The following TFDP2 variants were observed in gnomAD, a reference collection of about 807,000 sequenced individuals.
TFDP2 encodes transcription factor Dp-2 (E2F dimerization partner 2).
TFDP2 carries 17 observed loss-of-function variants against 59.3 expected under a neutral mutation model. The ratio of observed to expected loss-of-function variants is 0.29; its 90% CI spans 0.20 to 0.43. The LOEUF is 0.43. Among genes scored for constraint, TFDP2 ranks in the 20% least tolerant of loss-of-function variants. The pLI is 1.00. For missense variants in TFDP2, 391 were observed against 528.8 expected, an observed-to-expected ratio of 0.74 and a Z score of 2.56; for synonymous variants, 180 against 194.7, an observed-to-expected ratio of 0.92 and a Z score of 0.63.
intron 3 of TFDP2, among the ~76,000 whole-genome samples, chr3:142,076,815 T>C (rs1383515641): frequency 6.6e-6 from 1 of 152,162 alleles, no homozygotes; most frequent in African/African-American, 2.4e-5. Flanking sequence ...CCTCTACCCA[T>C]GGTCCCTCCA....
At chr3:141,981,324 G>T (rs939036106) in intron 6 of TFDP2, among the ~76,000 whole-genome samples, 21 of 152,074 alleles carry the variant, frequency 1.4e-4, no homozygotes, top group African/African-American at 4.8e-4. Context: ...TACCACCCTG[G>T]GTTTGGGTAA....
At chr3:142,023,106 G>A (rs1180575496) in intron 3 of TFDP2, among the ~76,000 whole-genome samples, 3 of 113,986 alleles carry the variant, frequency 2.6e-5, no homozygotes, top group African/African-American at 1.1e-4. Context: ...GCAACGCAGT[G>A]AGACTCCCTC....
In TFDP2 at chr3:141,946,136, A is replaced by C. The variant is rs752006995; in HGVS notation, c.*6377T>G. The C allele has an allele frequency of 3.9e-5, 6 of 152,412 alleles. No homozygotes were observed. The highest frequency in any genetic ancestry group is 7.2e-5 in the African/African-American group (3 of 41,580). 9.4% of individuals were successfully genotyped at this position (152,412 alleles called of 1,614,324 possible). On this transcript the variant is annotated 3_prime_UTR_variant, in exon 13 of 13. Transcript: ENST00000489671. ...ACAGCGTGGCCCTCACGGAGGGAAG[A>C]AGCTCTGGGTTTTGGTGCAGGCTCT...
At chr3:141,970,277 A>G (rs1939512928) in intron 8 of TFDP2, 136 bp from the exon 9 acceptor site, 3 of 739,200 alleles carry the variant, frequency 4.1e-6, no homozygotes, top group Non-Finnish European at 6.8e-6. Context: ...ATAAAGACAA[A>G]TCATATCTTT....
At chr3:142,066,558 G>A (rs2060080041) in intron 3 of TFDP2, among the ~76,000 whole-genome samples, 1 of 152,146 alleles carries the variant, frequency 6.6e-6, no homozygotes, top group Non-Finnish European at 1.5e-5. Flanking sequence ...AAACAGAACA[G>A]TGGTATGGGT....
intron 3 of TFDP2, among the ~76,000 whole-genome samples, chr3:142,030,224 T>C (rs989772156): frequency 6.6e-6 from 1 of 152,174 alleles, no homozygotes; most frequent in Non-Finnish European, 1.5e-5. Context: ...TTAAACTGGG[T>C]TGTAAACACG....
Position 141,978,615 on chromosome 3 carries a change from T to G in TFDP2, c.424A>C (p.Lys142Gln). The G allele has an allele frequency of 6.2e-7, 1 of 1,613,778 alleles. No homozygotes were observed. The highest frequency in any genetic ancestry group is 1.3e-5 in the African/African-American group (1 of 75,072). ...GATGTTGTACCTTTTCGTTGAACTT[T>G]CTCACACACTTTCATTGAAAAGTGT... ...LRHFSMKVCEKVQRKGTTSYN... is the reference protein window; with the variant it reads ...LRHFSMKVCEQVQRKGTTSYN... Residue 142 changes from lysine (K) to glutamine (Q), a missense_variant, in exon 7 of 13, where the codon AAA becomes CAA. Lys to Gln is a moderately conservative substitution (Grantham distance 53). Around this residue, in one of 3 missense-constraint regions of TFDP2, gnomAD observed 162 missense variants for 206.8 expected, o/e 0.78. Transcript: ENST00000489671.
chr3:142,093,020 AACT>A, intron 3 of TFDP2, 38 bp downstream of exon 3: 1 of 1,372,048 alleles, frequency 7.3e-7, no homozygotes, highest in Non-Finnish European at 9.9e-7. Context: ...AATGCAATAA[AACT>A]AACTTAATTC....
chr3:142,115,492 G>C (rs921463578), intron 1 of TFDP2, among the ~76,000 whole-genome samples: 3 of 151,946 alleles, frequency 2.0e-5, no homozygotes, highest in East Asian at 3.9e-4. Flanking sequence ...CTAATTTTTT[G>C]TATTTTTAGT....
intron 3 of TFDP2, among the ~76,000 whole-genome samples, chr3:142,053,266 A>T (rs1037940993): frequency 6.6e-6 from 1 of 152,144 alleles, no homozygotes; most frequent in African/African-American, 2.4e-5. Flanking sequence ...TGTTTGGGTC[A>T]TGGGGGAGGA....
intron 3 of TFDP2, among the ~76,000 whole-genome samples, chr3:142,089,649 A>C (rs73233854): frequency 0.012 from 1,839 of 152,256 alleles, 15 homozygotes; most frequent in Non-Finnish European, 0.02. Context: ...AGAAATATAT[A>C]TGCATCATAT....
At chr3:142,118,178 C>G (rs972239573) in intron 1 of TFDP2, among the ~76,000 whole-genome samples, 1 of 152,100 alleles carries the variant, frequency 6.6e-6, no homozygotes, top group African/African-American at 2.4e-5. Context: ...AGGAACAACT[C>G]TTCCTCTCCC....
intron 3 of TFDP2, among the ~76,000 whole-genome samples, chr3:142,017,399 A>G (rs1306635753): frequency 6.6e-6 from 1 of 152,196 alleles, no homozygotes; most frequent in East Asian, 1.9e-4. Flanking sequence ...ACAAATTCAT[A>G]AAACTAGAGT....
intron 3 of TFDP2, among the ~76,000 whole-genome samples, chr3:142,047,120 C>A (rs563276560): frequency 5.3e-5 from 8 of 152,136 alleles, no homozygotes; most frequent in Non-Finnish European, 1.0e-4. Context: ...GATCTCTAAT[C>A]CAGATTAACA....
intron 3 of TFDP2, among the ~76,000 whole-genome samples, chr3:142,071,834 ATTACT>A (rs2060259210): frequency 6.6e-6 from 1 of 152,202 alleles, no homozygotes; most frequent in African/African-American, 2.4e-5. Context: ...GGGTAAAATA[ATTACT>A]TTAATTCTGG....
intron 3 of TFDP2, among the ~76,000 whole-genome samples, chr3:142,063,816 T>C (rs1178986165): frequency 6.6e-6 from 1 of 150,506 alleles, no homozygotes; most frequent in African/African-American, 2.4e-5. Context: ...ATCGTAGTAT[T>C]AGACACATAG....
intron 3 of TFDP2, among the ~76,000 whole-genome samples, chr3:142,031,298 C>CTAT (rs1946420699): frequency 6.6e-6 from 1 of 152,232 alleles, no homozygotes; most frequent in South Asian, 2.1e-4. Flanking sequence ...TACTGAGCAC[C>CTAT]TATTATGTAT....
chr3:142,057,075 A>G (rs1022333589), intron 3 of TFDP2, among the ~76,000 whole-genome samples: 1 of 152,206 alleles, frequency 6.6e-6, no homozygotes, highest in African/African-American at 2.4e-5. Context: ...TCATTCATTC[A>G]CTGGCCATGT....
At chr3:141,958,453 A>G (rs1183895734) in intron 11 of TFDP2, among the ~76,000 whole-genome samples, 2 of 152,168 alleles carry the variant, frequency 1.3e-5, no homozygotes, top group Admixed American at 1.3e-4. Flanking sequence ...TAAATAATAC[A>G]TTATTTCCAG....
Sources: allele counts gnomAD v4.1 joint callset (sites outside exome capture counted in the v4.1 genomes callset), GRCh38; gene constraint gnomAD v4.1.1; regional missense constraint gnomAD v4.1.1; transcripts MANE v1.5; gene names NCBI Gene and HGNC (gene_info 2026-07-23, HGNC 2026-07-21).